The following NRXN3 variants were observed in gnomAD, a reference collection of about 807,000 sequenced individuals.
NRXN3 encodes neurexin III.
Under a neutral mutation model 137.6 loss-of-function variants are expected in NRXN3, and 32 were observed. The ratio of observed to expected loss-of-function variants is 0.23; its 90% confidence interval spans 0.18 to 0.31. The LOEUF (loss-of-function observed/expected upper bound fraction) is 0.31. Among genes scored for constraint, NRXN3 ranks in the 10% least tolerant of loss-of-function variants. The pLI is 1.00. For missense variants in NRXN3, 1,574 were observed against 2,062.5 expected, an observed-to-expected ratio of 0.76 and a Z score of 4.59; for synonymous variants, 798 against 784.5, an observed-to-expected ratio of 1.02 and a Z score of -0.29.
At chr14:79,105,355 G>C (rs2052212925) in intron 15 of NRXN3, among the ~76,000 whole-genome samples, 1 of 152,074 alleles carries the variant, frequency 6.6e-6, no homozygotes. Flanking sequence ...AAAATGTTCT[G>C]TCAAGAGCTT....
At chr14:79,495,930 A>C (rs954493340) in intron 16 of NRXN3, among the ~76,000 whole-genome samples, 1 of 151,430 alleles carries the variant, frequency 6.6e-6, no homozygotes, top group African/African-American at 2.4e-5. Flanking sequence ...TGTCATCTCT[A>C]TCGAGTAGTC....
chr14:78,860,354 C>A (rs1329129599), intron 10 of NRXN3, among the ~76,000 whole-genome samples: 1 of 152,094 alleles, frequency 6.6e-6, no homozygotes, highest in South Asian at 2.1e-4. Context: ...CATTCAAGTT[C>A]ATGCTTAAAT....
intron 15 of NRXN3, among the ~76,000 whole-genome samples, chr14:79,284,372 A>G (rs2081881848): frequency 8.3e-6 from 1 of 120,690 alleles, no homozygotes; most frequent in African/African-American, 3.8e-5. Context: ...ATATATATAT[A>G]TATATATATA....
intron 1 of NRXN3, among the ~76,000 whole-genome samples, chr14:78,233,869 C>T (rs984554982): frequency 5.3e-5 from 8 of 152,124 alleles, no homozygotes; most frequent in African/African-American, 1.9e-4. Flanking sequence ...TCCATCTACC[C>T]AGCCTATTCT....
chr14:79,449,755 C>T (rs368015181), intron 15 of NRXN3, among the ~76,000 whole-genome samples: 3 of 151,970 alleles, frequency 2.0e-5, no homozygotes, highest in African/African-American at 4.8e-5. Context: ...TCTGGGAGGC[C>T]GAGGCGGGCG....
intron 15 of NRXN3, among the ~76,000 whole-genome samples, chr14:79,025,141 C>T (rs373581867): frequency 4.6e-5 from 7 of 152,140 alleles, no homozygotes; most frequent in African/African-American, 1.7e-4. Context: ...TGGCAATGTC[C>T]TGATATTCTA....
rs74841630 is a variant in NRXN3 at position 78,200,311 on chromosome 14, G to A, written c.-704+29637G>A. Among the ~76,000 whole-genome samples, 1,406 of 152,296 alleles carry A rather than the reference G, an allele frequency of 9.2e-3. 28 individuals carry two copies. The highest frequency in any genetic ancestry group is 0.032 in the African/African-American group (1,323 of 41,548). ...AAACTTCAGATATGGTTGCCGATGC[G>A]GAAGGAGACTGAGCAACTGTGCATC... On this transcript the variant is annotated intron_variant, in intron 1 of 20. Coordinates refer to ENST00000335750, the MANE Select transcript of NRXN3 (RefSeq NM_001330195.2).
chr14:78,679,398 A>G (rs1364215689), intron 6 of NRXN3, among the ~76,000 whole-genome samples: 1 of 152,098 alleles, frequency 6.6e-6, no homozygotes, highest in Non-Finnish European at 1.5e-5. Context: ...ATTTTCTACA[A>G]TAGTTAAACA....
rs867215050 is a variant in NRXN3 at position 79,784,638 on chromosome 14, T to A, written c.4015-20474T>A. ...GCTTTTTTTTTTTTTTTTTTTTTTT[T>A]AATACAGGTAAAGTTCAAACGAGCA... On this transcript the variant is annotated intron_variant, in intron 19 of 20. Coordinates refer to ENST00000335750, the MANE Select transcript of NRXN3 (RefSeq NM_001330195.2). Among the ~76,000 whole-genome samples the A allele has an allele frequency of 4.7e-3, 582 of 123,512 alleles. 4 individuals carry two copies. The highest frequency in any genetic ancestry group is 0.016 in the African/African-American group (535 of 33,470). The allele number at this position is 123,512 out of a possible 152,430, so 81.0% of individuals were successfully genotyped here. A position where few individuals can be genotyped will look rare whatever the true frequency, so the allele number is the denominator to read the frequency against.
intron 4 of NRXN3, among the ~76,000 whole-genome samples, chr14:78,473,434 T>C (rs910356351): frequency 2.6e-5 from 4 of 152,006 alleles, no homozygotes; most frequent in Non-Finnish European, 5.9e-5. Context: ...AACCTTTCTT[T>C]TGTGAAACTT....
intron 15 of NRXN3, among the ~76,000 whole-genome samples, chr14:79,114,394 T>C (rs2054040576): frequency 6.6e-6 from 1 of 152,204 alleles, no homozygotes; most frequent in Non-Finnish European, 1.5e-5. Flanking sequence ...AGGGTCTCAC[T>C]CTGTCACCTA....
At chr14:79,512,211 GA>G (rs781360089) in intron 16 of NRXN3, among the ~76,000 whole-genome samples, 2 of 152,238 alleles carry the variant, frequency 1.3e-5, no homozygotes, top group Non-Finnish European at 2.9e-5. Context: ...ATAATAAATA[GA>G]TGTATCAATT....
intron 15 of NRXN3, among the ~76,000 whole-genome samples, chr14:79,216,794 C>T (rs1406910917): frequency 6.6e-6 from 1 of 152,044 alleles, no homozygotes; most frequent in Admixed American, 6.6e-5. Flanking sequence ...TGTGTTATTC[C>T]ATTTTGTGAC....
At position 79,550,430 on chromosome 14, in the gene NRXN3, T is replaced by G. The variant is rs78410680; in HGVS notation, c.3444+83028T>G. On this transcript the variant is annotated intron_variant, in intron 16 of 20. Transcript: ENST00000335750. The stretch of plus-strand genomic sequence containing the variant: ...ATTCTATAGGACATATCACAGCACC[T>G]TCTTGCTGCCTCCTTGTTTGTGTCT... 6.2e-3 allele frequency among the ~76,000 whole-genome samples: 943 copies of G among 152,342 alleles called. 11 individuals carry two copies. Among genetic ancestry groups the G allele is most frequent in the Middle Eastern group, 0.037 (11 of 294 alleles).
chr14:78,955,154 A>C (rs1246093675), intron 10 of NRXN3, among the ~76,000 whole-genome samples: 1 of 152,104 alleles, frequency 6.6e-6, no homozygotes, highest in African/African-American at 2.4e-5. Flanking sequence ...AATATTCTCC[A>C]CGTCTTTCTT....
chr14:78,959,146 T>C (rs1265362472), intron 11 of NRXN3, among the ~76,000 whole-genome samples: 1 of 152,182 alleles, frequency 6.6e-6, no homozygotes, highest in African/African-American at 2.4e-5. Flanking sequence ...TACGTGCATG[T>C]ACAGGTGTGT....
chr14:79,637,726 G>GTTTTTTTTTTTTTTTTTTTTTTTTT (rs1447669099), intron 16 of NRXN3, among the ~76,000 whole-genome samples: 1 of 93,000 alleles, frequency 1.1e-5, no homozygotes, highest in African/African-American at 8.6e-5. Context: ...ATATAGAAAA[G>GTTTTTTTTTTTTTTTTTTTTTTTTT]TTCTTTTTTT....
intron 16 of NRXN3, among the ~76,000 whole-genome samples, chr14:79,483,492 T>C (rs1405407054): frequency 6.6e-6 from 1 of 152,194 alleles, no homozygotes; most frequent in Non-Finnish European, 1.5e-5. Flanking sequence ...GTGTTTGGTA[T>C]AAACAGTATA....
intron 16 of NRXN3, among the ~76,000 whole-genome samples, chr14:79,565,555 C>T (rs896962585): frequency 6.6e-6 from 1 of 151,736 alleles, no homozygotes; most frequent in Non-Finnish European, 1.5e-5. Context: ...TTTTCCCTTG[C>T]CATGTTTGGT....
Sources: allele counts gnomAD v4.1 joint callset (sites outside exome capture counted in the v4.1 genomes callset), GRCh38; gene constraint gnomAD v4.1.1; transcripts MANE v1.5; gene names NCBI Gene and HGNC (gene_info 2026-07-23, HGNC 2026-07-21).